Variants in CDH12 observed in about 807,000 individuals in gnomAD.
CDH12 encodes the protein cadherin 12.
A neutral mutation model predicts 74.1 loss-of-function variants in CDH12; 41 were observed. The ratio of observed to expected loss-of-function variants is 0.55; its 90% confidence interval spans 0.43 to 0.72. The LOEUF is 0.72. Among genes scored for constraint, CDH12 ranks in the 30% least tolerant of loss-of-function variants. The pLI, the probability that CDH12 is intolerant of heterozygous loss-of-function variation, is 0.00. For synonymous variants in CDH12, 399 were observed against 355.0 expected (o/e 1.12, Z -1.39); for missense variants, 945 against 977.2 (o/e 0.97, Z 0.44).
chr5:21,864,128 T>C (rs1751199468), intron 6 of CDH12, among the ~76,000 whole-genome samples: 1 of 138,390 alleles, frequency 7.2e-6, no homozygotes, highest in Non-Finnish European at 1.6e-5. Flanking sequence ...ACAGAAAGAA[T>C]ATGTGTGTGT....
At chr5:22,086,704 GA>G (rs1743091673) in intron 4 of CDH12, among the ~76,000 whole-genome samples, 1 of 150,820 alleles carries the variant, frequency 6.6e-6, no homozygotes, top group African/African-American at 2.4e-5. Flanking sequence ...TTACTGAAAT[GA>G]AAATGGCTGC....
At chr5:22,447,985 T>TAA (rs10660558) in intron 2 of CDH12, among the ~76,000 whole-genome samples, 1,249 of 84,454 alleles carry the variant, frequency 0.015, 64 homozygotes, top group East Asian at 0.097. Context: ...TACAAGAAAT[T>TAA]AAAAAAAAAA....
At chr5:21,898,809 G>A (rs531928826) in intron 6 of CDH12, among the ~76,000 whole-genome samples, 262 of 152,246 alleles carry the variant, frequency 1.7e-3, no homozygotes, top group African/African-American at 5.8e-3. Flanking sequence ...AAGGAGTCAA[G>A]CTGAATGGAG....
At chr5:22,335,985 C>T (rs778805757) in intron 3 of CDH12, among the ~76,000 whole-genome samples, 1 of 151,986 alleles carries the variant, frequency 6.6e-6, no homozygotes, top group Non-Finnish European at 1.5e-5. Context: ...ATGGCTTTGA[C>T]CAAAAGCCTG....
Position 22,075,055 on chromosome 5 carries a change from C to T in CDH12, c.231+3391G>A, listed in dbSNP as rs375889065. ...ATTCACAATAGCAAAGACTTGGAAT[C>T]GACCCAAATGTCCAACAATGATAGA... On this transcript the variant is annotated intron_variant, in intron 5 of 14. Transcript: ENST00000382254. 1.3e-3 allele frequency among the ~76,000 whole-genome samples: 204 copies of T among 152,042 alleles called. 2 individuals carry two copies. Among genetic ancestry groups the T allele is most frequent in the Admixed American group, 9.5e-3 (145 of 15,228 alleles).
chr5:22,825,515 C>T (rs941321988), intron 1 of CDH12, among the ~76,000 whole-genome samples: 2 of 152,064 alleles, frequency 1.3e-5, no homozygotes, highest in Admixed American at 1.3e-4. Context: ...CACAAAAGCC[C>T]TGAATTGGGA....
intron 10 of CDH12, among the ~76,000 whole-genome samples, chr5:21,794,019 A>G (rs1478827507): frequency 1.3e-5 from 2 of 151,384 alleles, no homozygotes; most frequent in African/African-American, 2.4e-5. Flanking sequence ...GATGTAGAAG[A>G]TATATTCTAG....
At chr5:22,555,990 AC>A (rs1738787139) in intron 1 of CDH12, among the ~76,000 whole-genome samples, 1 of 151,956 alleles carries the variant, frequency 6.6e-6, no homozygotes, top group Admixed American at 6.6e-5. Context: ...TGTTTGGTAG[AC>A]TTTTATGTAT....
intron 6 of CDH12, among the ~76,000 whole-genome samples, chr5:21,886,435 T>G (rs1752634111): frequency 1.3e-5 from 2 of 149,758 alleles, no homozygotes; most frequent in Admixed American, 6.7e-5. Flanking sequence ...GTTTTTTCTT[T>G]TTATTATTTT....
chr5:21,804,448 C>G (rs1747313177), intron 9 of CDH12, among the ~76,000 whole-genome samples: 1 of 152,176 alleles, frequency 6.6e-6, no homozygotes, highest in African/African-American at 2.4e-5. Flanking sequence ...TGAGAAACCA[C>G]TACAATTACT....
intron 11 of CDH12, among the ~76,000 whole-genome samples, chr5:21,775,228 G>C (rs748859180): frequency 6.6e-6 from 1 of 152,166 alleles, no homozygotes; most frequent in Non-Finnish European, 1.5e-5. Context: ...ACACCACAAA[G>C]AATCCACACC....
intron 1 of CDH12, among the ~76,000 whole-genome samples, chr5:22,770,154 G>T (rs543408376): frequency 6.7e-6 from 1 of 150,098 alleles, no homozygotes; most frequent in African/African-American, 2.4e-5. Flanking sequence ...CCTGTGTATT[G>T]TCCAAAAACT....
In CDH12 at chr5:22,078,649, G is replaced by T; in HGVS notation, c.28C>A (p.Leu10Ile). Residue 10 changes from leucine to isoleucine, a missense_variant, in exon 5 of 15, where the codon CTT (leucine) becomes ATT (isoleucine). Leu to Ile is a conservative substitution (Grantham distance 5, BLOSUM62 2). Transcript: ENST00000382254. MLTRNCLSL[L>I]LWVLFDGGLL... ...CCTCCATCAAACAGAACCCAGAGAA[G>T]CAGGGATAAACAGTTCCTTGTAAGC... 1 of 1,613,730 alleles carries T rather than the reference G, an allele frequency of 6.2e-7. No homozygotes were observed. The highest frequency in any genetic ancestry group is 8.5e-7 in the Non-Finnish European group (1 of 1,179,710).
At chr5:22,072,206 T>G (rs1433869294) in intron 5 of CDH12, among the ~76,000 whole-genome samples, 5 of 152,068 alleles carry the variant, frequency 3.3e-5, no homozygotes, top group Non-Finnish European at 7.4e-5. Context: ...AGGCATTTTA[T>G]GGGTCTTTAT....
rs1262811406 is a variant in CDH12, at chr5:22,663,388, A to G, written c.-522-158024T>C. The stretch of plus-strand genomic sequence containing the variant: ...CTCACAGCAATCAAAGATAAAAATC[A>G]TTCAACCAGGAGTGATGGAAAACCG... On this transcript the variant is annotated intron_variant, in intron 1 of 14. Transcript: ENST00000382254. Among the ~76,000 whole-genome samples, 4 of 152,296 alleles carry G rather than the reference A, an allele frequency of 2.6e-5. No individual in the cohort carries two copies. In the East Asian group the frequency reaches 7.7e-4, roughly 29 times the overall value.
chr5:22,319,197 A>T (rs1297550604), intron 3 of CDH12, among the ~76,000 whole-genome samples: 6 of 152,212 alleles, frequency 3.9e-5, no homozygotes, highest in Non-Finnish European at 8.8e-5. Context: ...AGGATAAGTA[A>T]TATAGATGGG....
intron 1 of CDH12, among the ~76,000 whole-genome samples, chr5:22,513,369 G>A (rs1736686611): frequency 6.6e-6 from 1 of 150,936 alleles, no homozygotes; most frequent in Non-Finnish European, 1.5e-5. Context: ...GTTGACAACA[G>A]GTTCAAAAAA....
intron 6 of CDH12, among the ~76,000 whole-genome samples, chr5:21,908,686 A>G (rs1290874305): frequency 6.6e-6 from 1 of 152,204 alleles, no homozygotes; most frequent in Non-Finnish European, 1.5e-5. Flanking sequence ...TGGGTGCAGC[A>G]GGAGAAGTTG....
At chr5:21,975,545 TA>T (rs1228695413) in intron 5 of CDH12, among the ~76,000 whole-genome samples, 160 bp from the exon 6 acceptor site, 2 of 152,026 alleles carry the variant, frequency 1.3e-5, no homozygotes, top group Non-Finnish European at 2.9e-5. Flanking sequence ...TCTCGTTTTT[TA>T]TTTCTCCAAC....
Sources: gnomAD v4.1 joint callset for allele counts (sites outside exome capture counted in the v4.1 genomes callset) on GRCh38, gnomAD v4.1.1 for gene constraint, MANE v1.5 for transcripts, NCBI Gene and HGNC (gene_info 2026-07-23, HGNC 2026-07-21) for gene names.